Variants in APELA observed in about 807,000 individuals in gnomAD.
APELA encodes apelin receptor early endogenous ligand.
At chr4:164,891,948 A>G (rs1385311936) in intron 2 of APELA, among the ~76,000 whole-genome samples, 1 of 152,108 alleles carries the variant, frequency 6.6e-6, no homozygotes, top group Admixed American at 6.6e-5. Context: ...TTTCTATTGC[A>G]AGATTGATGA....
intron 2 of APELA, among the ~76,000 whole-genome samples, chr4:164,880,759 C>T (rs981277120): frequency 3.9e-5 from 6 of 152,160 alleles, no homozygotes; most frequent in African/African-American, 1.2e-4. Context: ...CCATAAAAAC[C>T]AGTGTTACAA....
chr4:164,877,283 C>A lies in APELA; in HGVS notation c.-49C>A. On this transcript the variant is annotated 5_prime_UTR_variant, in exon 1 of 3. Coordinates refer to ENST00000507152, the MANE Select transcript of APELA (RefSeq NM_001297550.2). ...GATATTGCACAGACTATTTACAGAT[C>A]GTTTGGTTTACATTGAGAGTCATTG... 1 of 398,716 alleles carries A rather than the reference C, an allele frequency of 2.5e-6. No individual in the cohort carries two copies. Among genetic ancestry groups the A allele is most frequent in the Non-Finnish European group, 4.4e-6 (1 of 225,824 alleles). 24.7% of individuals were successfully genotyped at this position (398,716 alleles called of 1,614,324 possible). A position where few individuals can be genotyped will look rare whatever the true frequency, so the allele number is the denominator to read the frequency against.
intron 2 of APELA, among the ~76,000 whole-genome samples, chr4:164,885,798 C>A (rs1392185154): frequency 6.6e-6 from 1 of 151,738 alleles, no homozygotes; most frequent in Non-Finnish European, 1.5e-5. Flanking sequence ...AATTTAAGAT[C>A]ATAAATTTAA....
chr4:164,888,639 A>G (rs17045743), intron 2 of APELA, among the ~76,000 whole-genome samples: 6,702 of 152,152 alleles, frequency 0.044, 438 homozygotes, highest in African/African-American at 0.14. Context: ...CCAGTTCCCA[A>G]TTTGTCACCA....
At chr4:164,892,488 T>C (rs1314830681) in intron 2 of APELA, among the ~76,000 whole-genome samples, 3 of 152,216 alleles carry the variant, frequency 2.0e-5, no homozygotes, top group Non-Finnish European at 4.4e-5. Context: ...TAAATCCCAC[T>C]AAATCATAAT....
chr4:164,883,116 T>A (rs1730693189), intron 2 of APELA, among the ~76,000 whole-genome samples: 1 of 152,182 alleles, frequency 6.6e-6, no homozygotes, highest in South Asian at 2.1e-4. Flanking sequence ...GCTTCCCAAC[T>A]CTTCCTGCAA....
At chr4:164,882,111 T>G (rs7674412) in intron 2 of APELA, among the ~76,000 whole-genome samples, 62,853 of 151,768 alleles carry the variant, frequency 0.41, 13,567 homozygotes, top group South Asian at 0.51. Flanking sequence ...TAATTTATTT[T>G]TATTTTTTGA....
At chr4:164,891,708 T>C (rs1455411645) in intron 2 of APELA, among the ~76,000 whole-genome samples, 2 of 152,172 alleles carry the variant, frequency 1.3e-5, no homozygotes, top group Non-Finnish European at 2.9e-5. Flanking sequence ...GGATTTGCTG[T>C]GCACAAGCTC....
In APELA at chr4:164,896,076, A is replaced by G. The variant is rs1730969930; in HGVS notation, c.*662A>G. ...TGAAATCCTAATTGTAGTTCATTTT[A>G]TGTTCAAATGAAACCATTGTTTTTG... On this transcript the variant is annotated 3_prime_UTR_variant, in exon 3 of 3. Coordinates refer to ENST00000507152, the MANE Select transcript of APELA (RefSeq NM_001297550.2). The G allele has an allele frequency of 6.6e-6, 1 of 152,196 alleles. No homozygotes were observed. Among genetic ancestry groups the G allele is most frequent in the South Asian group, 2.1e-4 (1 of 4,826 alleles). The allele number at this position is 152,196 out of a possible 1,614,324, so 9.4% of individuals were successfully genotyped here. A position where few individuals can be genotyped will look rare whatever the true frequency, so the allele number is the denominator to read the frequency against.
chr4:164,878,965 A>G lies in APELA; in HGVS notation c.122A>G (p.Gln41Arg), dbSNP rs1263053349. 1 of 398,908 alleles carries G rather than the reference A, an allele frequency of 2.5e-6. No individual in the cohort carries two copies. The highest frequency in any genetic ancestry group is 3.6e-5 in the East Asian group (1 of 28,074). The allele number at this position is 398,908 out of a possible 1,614,324, so 24.7% of individuals were successfully genotyped here. Residue 41 changes from glutamine to arginine, a missense_variant, in exon 2 of 3, where the codon CAG becomes CGG. Gln to Arg is a conservative substitution (Grantham distance 43). Transcript: ENST00000507152. The part of the protein sequence containing the change: ...RRKLRKHNCL[Q>R]RRCMPLHSRV... ...AAACTGCGCAAACACAATTGCCTTCAGAGGAGATGTATGCCTCTCCATTCA... is the reference window on the plus strand; with the variant it reads ...AAACTGCGCAAACACAATTGCCTTCGGAGGAGATGTATGCCTCTCCATTCA...
At chr4:164,882,698 A>G (rs1730676544) in intron 2 of APELA, among the ~76,000 whole-genome samples, 1 of 151,998 alleles carries the variant, frequency 6.6e-6, no homozygotes, top group Admixed American at 6.6e-5. Context: ...TGCACCCATT[A>G]ACTCATCATT....
downstream of APELA, among the ~76,000 whole-genome samples, chr4:164,898,355 A>G (rs1329638364): frequency 6.6e-6 from 1 of 151,292 alleles, no homozygotes; most frequent in African/African-American, 2.4e-5. Flanking sequence ...TACAAAAATT[A>G]GCTGGGCGTG....
At chr4:164,887,327 A>G (rs1730794193) in intron 2 of APELA, among the ~76,000 whole-genome samples, 1 of 150,920 alleles carries the variant, frequency 6.6e-6, no homozygotes, top group Non-Finnish European at 1.5e-5. Flanking sequence ...GACATGGCCA[A>G]TCCTTCATAT....
chr4:164,879,897 T>G (rs954149369), intron 2 of APELA, among the ~76,000 whole-genome samples: 1 of 152,242 alleles, frequency 6.6e-6, no homozygotes, highest in African/African-American at 2.4e-5. Flanking sequence ...AAGGATAAAT[T>G]CTGGTAGAGT....
At chr4:164,878,582 AT>A (rs1312288483) in intron 1 of APELA, among the ~76,000 whole-genome samples, 2 of 152,338 alleles carry the variant, frequency 1.3e-5, no homozygotes, top group African/African-American at 4.8e-5. Flanking sequence ...TTCTTACAAA[AT>A]ATTTGTGATT....
At chr4:164,888,783 C>T (rs1186620372) in intron 2 of APELA, among the ~76,000 whole-genome samples, 1 of 132,956 alleles carries the variant, frequency 7.5e-6, no homozygotes, top group African/African-American at 4.1e-5. Flanking sequence ...TCTCATTACT[C>T]TTACAATTGA....
At chr4:164,884,127 G>GAAAC (rs1560858065) in intron 2 of APELA, among the ~76,000 whole-genome samples, 12 of 137,656 alleles carry the variant, frequency 8.7e-5, no homozygotes, top group Admixed American at 2.9e-4. Context: ...GAAAGAGAAA[G>GAAAC]AAAGAAAGAA....
chr4:164,879,162 T>G (rs954588979), intron 2 of APELA, 153 bp downstream of exon 2: 1 of 393,648 alleles, frequency 2.5e-6, no homozygotes, highest in Non-Finnish European at 4.5e-6. Context: ...AAGAGTTAAA[T>G]GAATGACATG....
chr4:164,888,537 G>C (rs750695098), intron 2 of APELA, among the ~76,000 whole-genome samples: 2 of 152,354 alleles, frequency 1.3e-5, no homozygotes, highest in Non-Finnish European at 2.9e-5. Flanking sequence ...TGCAGAGGTT[G>C]TGATTTGGCT....
Sources: gnomAD v4.1 joint callset for allele counts (sites outside exome capture counted in the v4.1 genomes callset) on GRCh38, gnomAD v4.1.1 for gene constraint, MANE v1.5 for transcripts, NCBI Gene and HGNC (gene_info 2026-07-23, HGNC 2026-07-21) for gene names.